Variants in VAMP7 observed in about 807,000 individuals in gnomAD.
VAMP7 encodes the protein vesicle-associated membrane protein 7.
A neutral mutation model predicts 29.6 loss-of-function variants in VAMP7; 14 were observed. The observed-to-expected ratio is 0.47, with a 90% confidence interval of 0.31 to 0.74. The LOEUF is 0.74. Ranked by LOEUF, VAMP7 falls within the 30% of genes least tolerant of loss-of-function variation. The pLI is 0.05. For synonymous variants in VAMP7, 95 were observed against 88.1 expected, an observed-to-expected ratio of 1.08 and a Z score of -0.44; for missense variants, 223 against 262.4, an observed-to-expected ratio of 0.85 and a Z score of 1.04.
At chrX:155,926,192 G>A (rs2066464390) in intron 6 of VAMP7, among the ~76,000 whole-genome samples, 1 of 152,134 alleles carries the variant, frequency 6.6e-6, no homozygotes, top group South Asian at 2.1e-4. Context: ...ATAAAAGTCA[G>A]CTTATCCTTT....
chrX:155,909,043 T>G (rs2066194386), intron 5 of VAMP7, among the ~76,000 whole-genome samples: 1 of 152,114 alleles, frequency 6.6e-6, no homozygotes. Context: ...CCCAGGCTAG[T>G]CTCAAACTCC....
intron 1 of VAMP7, among the ~76,000 whole-genome samples, chrX:155,881,853 G>A (rs1221328542): frequency 6.6e-6 from 1 of 152,022 alleles, no homozygotes; most frequent in African/African-American, 2.4e-5. Flanking sequence ...GCTCCTTCGT[G>A]GGTTCCTAGC....
At chrX:155,901,049 A>G (rs1026208169) in intron 5 of VAMP7, among the ~76,000 whole-genome samples, 2 of 152,090 alleles carry the variant, frequency 1.3e-5, no homozygotes, top group South Asian at 2.1e-4. Flanking sequence ...GAAAATGTCA[A>G]TTGGACTGAA....
chrX:155,927,008 A>C (rs6567800), intron 6 of VAMP7, among the ~76,000 whole-genome samples: 1 of 151,958 alleles, frequency 6.6e-6, no homozygotes, highest in African/African-American at 2.4e-5. Flanking sequence ...AACAATCACA[A>C]TAGTAACATC....
At chrX:155,906,297 T>A (rs1164899255) in intron 5 of VAMP7, among the ~76,000 whole-genome samples, 2 of 152,148 alleles carry the variant, frequency 1.3e-5, no homozygotes, top group Non-Finnish European at 2.9e-5. Flanking sequence ...AGGAATCCTG[T>A]TAGGCCAGTT....
chrX:155,919,983 T>G lies in VAMP7; in HGVS notation c.501+103T>G, dbSNP rs749262085. ...TACCTTAAATTCAAATATTTGGTGG[T>G]TTTTTTTTCTTTCTCATTTCCATTA... On this transcript the variant is annotated intron_variant, in intron 6 of 7. Transcript: ENST00000286448. 8.5e-5 allele frequency: 79 copies of G among 927,574 alleles called. No homozygotes were observed. Among genetic ancestry groups the G allele is most frequent in the South Asian group, 2.1e-4 (13 of 63,342 alleles). The allele number at this position is 927,574 out of a possible 1,614,324, so 57.5% of individuals were successfully genotyped here.
intron 6 of VAMP7, among the ~76,000 whole-genome samples, chrX:155,924,853 A>G (rs180977565): frequency 1.9e-4 from 29 of 152,330 alleles, no homozygotes; most frequent in South Asian, 1.5e-3. Flanking sequence ...ACTTCTTTCA[A>G]AATTGGAGTC....
chrX:155,911,234 T>C (rs1286234999), intron 5 of VAMP7, among the ~76,000 whole-genome samples: 1 of 152,122 alleles, frequency 6.6e-6, no homozygotes, highest in East Asian at 1.9e-4. Context: ...TTGTTGAAAA[T>C]CAGTTGCCTA....
chrX:155,893,633 C>T (rs1466997164), intron 2 of VAMP7, among the ~76,000 whole-genome samples: 1 of 152,138 alleles, frequency 6.6e-6, no homozygotes, highest in Non-Finnish European at 1.5e-5. Context: ...GGCAGATGGC[C>T]ACCTTCTTGC....
intron 5 of VAMP7, among the ~76,000 whole-genome samples, chrX:155,904,161 C>T (rs969940080): frequency 1.5e-5 from 2 of 136,860 alleles, no homozygotes; most frequent in Non-Finnish European, 3.0e-5. Context: ...ACAATGAGAA[C>T]ACATGGACAC....
At chrX:155,928,865 C>T (rs2066508410) in intron 6 of VAMP7, among the ~76,000 whole-genome samples, 1 of 152,292 alleles carries the variant, frequency 6.6e-6, no homozygotes, top group African/African-American at 2.4e-5. Flanking sequence ...TTGAATCACA[C>T]AGCTATGTTC....
chrX:155,937,951 G>A (rs2066686671), intron 6 of VAMP7, among the ~76,000 whole-genome samples: 1 of 152,032 alleles, frequency 6.6e-6, no homozygotes. Context: ...TTTTTGAATT[G>A]TTACTGCAGA....
At chrX:155,937,026 T>A (rs1026222452) in intron 6 of VAMP7, among the ~76,000 whole-genome samples, 5 of 152,152 alleles carry the variant, frequency 3.3e-5, no homozygotes, top group Non-Finnish European at 5.9e-5. Flanking sequence ...ATTATTAAAA[T>A]GTTCATACTG....
intron 6 of VAMP7, among the ~76,000 whole-genome samples, chrX:155,927,033 G>A (rs1234774036): frequency 1.2e-4 from 19 of 152,108 alleles, no homozygotes; most frequent in Admixed American, 1.3e-4. Flanking sequence ...GTCACAGATC[G>A]TCATAACAGA....
intron 6 of VAMP7, among the ~76,000 whole-genome samples, chrX:155,937,512 A>T (rs1259788723): frequency 6.6e-6 from 1 of 152,232 alleles, no homozygotes; most frequent in Non-Finnish European, 1.5e-5. Flanking sequence ...TTATCAGAAT[A>T]TCACATTGTA....
At chrX:155,893,037 G>A (rs981882418) in intron 2 of VAMP7, among the ~76,000 whole-genome samples, 1 of 152,084 alleles carries the variant, frequency 6.6e-6, no homozygotes, top group Non-Finnish European at 1.5e-5. Flanking sequence ...ACAGGCATGA[G>A]CCACCGTGCC....
chrX:155,904,799 T>G (rs2066124176), intron 5 of VAMP7, among the ~76,000 whole-genome samples: 2 of 151,804 alleles, frequency 1.3e-5, no homozygotes, highest in Admixed American at 1.3e-4. Context: ...AATGCATTAA[T>G]GCATTTTATG....
chrX:155,896,483 G>A (rs372080705), intron 3 of VAMP7, among the ~76,000 whole-genome samples: 1 of 152,026 alleles, frequency 6.6e-6, no homozygotes, highest in African/African-American at 2.4e-5. Flanking sequence ...ACTGTTTGTC[G>A]GCTCTCAGCC....
intron 2 of VAMP7, among the ~76,000 whole-genome samples, chrX:155,894,281 C>T (rs1328366309): frequency 6.8e-6 from 1 of 147,892 alleles, no homozygotes; most frequent in African/African-American, 2.5e-5. Context: ...GTTTTCCGCA[C>T]TCTAGCCAAT....
Sources: gnomAD v4.1 joint callset for allele counts (sites outside exome capture counted in the v4.1 genomes callset) on GRCh38, gnomAD v4.1.1 for gene constraint, MANE v1.5 for transcripts, NCBI Gene and HGNC (gene_info 2026-07-23, HGNC 2026-07-21) for gene names.